Variants in CRIM1 observed in about 807,000 individuals in gnomAD.
CRIM1 encodes the protein cysteine rich transmembrane BMP regulator 1.
A neutral mutation model predicts 116.4 loss-of-function variants in CRIM1; 32 were observed. The ratio of observed to expected loss-of-function variants is 0.27; its 90% CI spans 0.21 to 0.37. The LOEUF (loss-of-function observed/expected upper bound fraction) is 0.37, where lower values mean the gene tolerates loss of function less well. CRIM1 is among the 10% of genes least tolerant of loss of function. CRIM1 has a pLI of 1.00. For synonymous variants in CRIM1, 590 were observed against 509.2 expected (o/e 1.16, Z -2.13); for missense variants, 1,331 against 1,354.8 (o/e 0.98, Z 0.28).
rs148445388 is a variant in CRIM1, at chr2:36,426,285, G to C, written c.506-14973G>C. The stretch of plus-strand genomic sequence containing the variant: ...TTTCTGGGACAATTATGATCCATCC[G>C]TTTTTTATAGGAGGCCCAGTAATGA... On this transcript the variant is annotated intron_variant, in intron 2 of 16. Transcript: ENST00000280527. 8.5e-5 allele frequency among the ~76,000 whole-genome samples: 13 copies of C among 152,174 alleles called. No individual in the cohort carries two copies. In the East Asian group the frequency reaches 2.5e-3, roughly 29 times the overall value.
chr2:36,530,500 A>C (rs936028791), intron 13 of CRIM1, among the ~76,000 whole-genome samples: 12 of 152,242 alleles, frequency 7.9e-5, no homozygotes, highest in African/African-American at 2.9e-4. Flanking sequence ...AATGAAAAGC[A>C]CATGACAAGC....
intron 8 of CRIM1, 68 bp from the exon 9 acceptor site, chr2:36,509,915 A>C: frequency 7.0e-7 from 1 of 1,425,986 alleles, no homozygotes; most frequent in Non-Finnish European, 9.6e-7. Flanking sequence ...CAGGGACCGT[A>C]TTTCAGCATC....
chr2:36,374,861 GTT>G (rs35600177), intron 1 of CRIM1, among the ~76,000 whole-genome samples: 15 of 149,280 alleles, frequency 1.0e-4, no homozygotes, highest in South Asian at 2.1e-4. Context: ...GGCTCTTGAT[GTT>G]TTTTTTTTTG....
At chr2:36,373,581 G>A (rs1312811905) in intron 1 of CRIM1, among the ~76,000 whole-genome samples, 1 of 152,214 alleles carries the variant, frequency 6.6e-6, no homozygotes, top group Non-Finnish European at 1.5e-5. Context: ...AAAGCAAACC[G>A]ATGGGGCATT....
At chr2:36,378,366 A>T (rs1040504664) in intron 1 of CRIM1, 2 of 471,008 alleles carry the variant, frequency 4.2e-6, no homozygotes, top group Admixed American at 4.7e-5. Context: ...GCTGCGGGGT[A>T]TTGAATTTGA....
chr2:36,533,958 GT>G (rs1487179729), intron 13 of CRIM1, among the ~76,000 whole-genome samples: 2 of 150,214 alleles, frequency 1.3e-5, no homozygotes, highest in Non-Finnish European at 3.0e-5. Context: ...AGGAAAGAGG[GT>G]GGGAGGGAAA....
chr2:36,356,231 G>A lies in CRIM1; in HGVS notation c.-62G>A, dbSNP rs1345721524. Reference sequence around the variant, plus strand: ...GCGGCGGCGCGTGTGCCCCGCGCAGGGGAGGGCGCCCGCCCCGCTCCCGGC... The same window carrying A: ...GCGGCGGCGCGTGTGCCCCGCGCAGAGGAGGGCGCCCGCCCCGCTCCCGGC... On this transcript the variant is annotated 5_prime_UTR_variant, in exon 1 of 17. Transcript: ENST00000280527. This position sits in a 1 kb window ranked among gnomAD's most constrained non-coding sequence, Gnocchi z 4.3. The A allele has an allele frequency of 4.3e-5, 43 of 988,986 alleles. No homozygotes were observed. Among genetic ancestry groups the A allele is most frequent in the Non-Finnish European group, 5.2e-5 (38 of 733,772 alleles). 61.3% of individuals were successfully genotyped at this position (988,986 alleles called of 1,614,324 possible). A position where few individuals can be genotyped will look rare whatever the true frequency, so the allele number is the denominator to read the frequency against.
At chr2:36,471,760 C>CACACACACACACACACA (rs1553316612) in intron 5 of CRIM1, among the ~76,000 whole-genome samples, 1 of 134,424 alleles carries the variant, frequency 7.4e-6, no homozygotes, top group African/African-American at 2.8e-5. Flanking sequence ...CACACACACA[C>CACACACACACACACACA]CATCTTACAA....
chr2:36,409,928 A>T (rs559827482), intron 2 of CRIM1, among the ~76,000 whole-genome samples: 5 of 152,228 alleles, frequency 3.3e-5, no homozygotes, highest in Admixed American at 3.3e-4. Context: ...TTCAAAAGCT[A>T]TGAGACCATT....
At chr2:36,391,503 GAC>G (rs1671600648) in intron 1 of CRIM1, among the ~76,000 whole-genome samples, 1 of 152,034 alleles carries the variant, frequency 6.6e-6, no homozygotes, top group Non-Finnish European at 1.5e-5. Context: ...GTATTATACT[GAC>G]ACCATTTTCC....
intron 2 of CRIM1, among the ~76,000 whole-genome samples, chr2:36,409,250 T>C (rs1439025152): frequency 6.6e-6 from 1 of 152,188 alleles, no homozygotes; most frequent in Non-Finnish European, 1.5e-5. Context: ...TTAGTTTTTT[T>C]CCACCTCAGA....
intron 4 of CRIM1, among the ~76,000 whole-genome samples, chr2:36,458,713 C>T (rs1677338041): frequency 6.6e-6 from 1 of 152,048 alleles, no homozygotes; most frequent in African/African-American, 2.4e-5. Context: ...TCCTGAAGGA[C>T]AGGGTGCAGG....
chr2:36,375,951 A>G lies in CRIM1; in HGVS notation c.331+19328A>G, dbSNP rs373515391. ...GTTTAATAGTCATTTATGTTCTACA[A>G]TAATAAATATTTGGCACCCACCATA... On this transcript the variant is annotated intron_variant, in intron 1 of 16. Transcript: ENST00000280527. Among the ~76,000 whole-genome samples, 8 of 152,350 alleles carry G rather than the reference A, an allele frequency of 5.3e-5. No homozygotes were observed. The East Asian group carries it at 9.6e-4, about 18-fold the overall frequency.
intron 2 of CRIM1, among the ~76,000 whole-genome samples, chr2:36,437,120 C>T (rs942092026): frequency 1.3e-5 from 2 of 152,156 alleles, no homozygotes; most frequent in African/African-American, 4.8e-5. Context: ...GCACGCCTGT[C>T]ATCCCAGCAC....
intron 7 of CRIM1, among the ~76,000 whole-genome samples, chr2:36,497,993 A>G (rs374296412): frequency 3.2e-4 from 49 of 152,304 alleles, no homozygotes; most frequent in African/African-American, 1.1e-3. Flanking sequence ...CTGGGTTACT[A>G]TGTAAACTTA....
chr2:36,412,644 A>G (rs959795548), intron 2 of CRIM1, among the ~76,000 whole-genome samples: 1 of 152,200 alleles, frequency 6.6e-6, no homozygotes, highest in Non-Finnish European at 1.5e-5. Context: ...TTTTTAAGAC[A>G]TATTTAAAAC....
At chr2:36,495,898 C>G (rs925459010) in intron 7 of CRIM1, among the ~76,000 whole-genome samples, 2 of 151,988 alleles carry the variant, frequency 1.3e-5, no homozygotes, top group Non-Finnish European at 2.9e-5. Context: ...TATATACTTA[C>G]CGGTCATATT....
chr2:36,379,740 CTCTTTT>C (rs1670588152), intron 1 of CRIM1, among the ~76,000 whole-genome samples: 1 of 97,476 alleles, frequency 1.0e-5, no homozygotes, highest in Non-Finnish European at 1.9e-5. Context: ...CTTTCTTTCT[CTCTTTT>C]TTTTTTTTTT....
Position 36,371,764 on chromosome 2 carries a change from A to G in CRIM1, c.331+15141A>G, listed in dbSNP as rs991778242. On this transcript the variant is annotated intron_variant, in intron 1 of 16. Transcript: ENST00000280527. ...TCATTCACTAACCCCTTATCAGCTT[A>G]TAGGAATTTTCCTCGTGGGTGGTTG... Among the ~76,000 whole-genome samples the G allele has an allele frequency of 2.6e-5, 4 of 152,178 alleles. No individual in the cohort carries two copies. The East Asian group carries it at 7.7e-4, about 29-fold the overall frequency.
Sources: gnomAD v4.1 joint callset for allele counts (sites outside exome capture counted in the v4.1 genomes callset) on GRCh38, gnomAD v4.1.1 for gene constraint, Gnocchi (gnomAD v3.1) non-coding constraint, MANE v1.5 for transcripts, NCBI Gene and HGNC (gene_info 2026-07-23, HGNC 2026-07-21) for gene names.